TBC1D22A: variants seen among roughly 807,000 people sequenced by gnomAD.
TBC1D22A encodes the protein putative GTPase activator.
Under a neutral mutation model 60.2 loss-of-function variants are expected in TBC1D22A, and 38 were observed. The ratio of observed to expected loss-of-function variants is 0.63; its 90% CI spans 0.49 to 0.83. The LOEUF is 0.83. TBC1D22A is among the 40% of genes least tolerant of loss of function. TBC1D22A has a pLI of 0.00. For missense variants in TBC1D22A, 628 were observed against 701.0 expected, an observed-to-expected ratio of 0.90 and a Z score of 1.18; for synonymous variants, 302 against 281.7, an observed-to-expected ratio of 1.07 and a Z score of -0.72.
intron 11 of TBC1D22A, among the ~76,000 whole-genome samples, chr22:47,101,583 C>T (rs745821556): frequency 4.6e-5 from 7 of 152,250 alleles, no homozygotes; most frequent in East Asian, 1.9e-4. Context: ...GGTACTCAGA[C>T]GGGACATGCT....
At chr22:47,004,882 T>TAC (rs1392378655) in intron 10 of TBC1D22A, among the ~76,000 whole-genome samples, 1 of 151,598 alleles carries the variant, frequency 6.6e-6, no homozygotes, top group Non-Finnish European at 1.5e-5. Flanking sequence ...AGTGCCTATA[T>TAC]ACACACACCC....
chr22:46,810,074 TG>T (rs1282240250), intron 4 of TBC1D22A, among the ~76,000 whole-genome samples: 1 of 152,216 alleles, frequency 6.6e-6, no homozygotes, highest in Non-Finnish European at 1.5e-5. Context: ...ATTCAAAATG[TG>T]TCACATCAGC....
chr22:47,165,456 C>G (rs965832007), intron 12 of TBC1D22A, among the ~76,000 whole-genome samples: 1 of 152,120 alleles, frequency 6.6e-6, no homozygotes, highest in Non-Finnish European at 1.5e-5. Flanking sequence ...ATCGCCATCT[C>G]ATAGACAGGG....
At chr22:47,010,568 C>T (rs1298520578) in intron 10 of TBC1D22A, among the ~76,000 whole-genome samples, 1 of 152,172 alleles carries the variant, frequency 6.6e-6, no homozygotes, top group East Asian at 1.9e-4. Flanking sequence ...TCTTGGTCCC[C>T]TTCTGCTTAG....
Position 47,174,464 on chromosome 22 carries a change from G to C in TBC1D22A, c.*838G>C, listed in dbSNP as rs892732600. ...CATGTTGGGCTGGCAGACGGGCAGG[G>C]GGTCGCGTCCCTGTCATCAAAGCCC... On this transcript the variant is annotated 3_prime_UTR_variant, in exon 13 of 13. Coordinates refer to ENST00000337137, the MANE Select transcript of TBC1D22A (RefSeq NM_014346.5). The C allele has an allele frequency of 3.3e-5, 5 of 152,396 alleles. No homozygotes were observed. The South Asian group carries it at 1.0e-3, about 32-fold the overall frequency. 9.4% of individuals were successfully genotyped at this position (152,396 alleles called of 1,614,324 possible). A position where few individuals can be genotyped will look rare whatever the true frequency, so the allele number is the denominator to read the frequency against.
chr22:47,083,808 G>T (rs1357397630), intron 11 of TBC1D22A, among the ~76,000 whole-genome samples: 1 of 152,166 alleles, frequency 6.6e-6, no homozygotes, highest in Non-Finnish European at 1.5e-5. Context: ...CTCATCAAGG[G>T]TATATTAAAA....
In TBC1D22A at chr22:47,009,474, C is replaced by G. The variant is rs1274571490; in HGVS notation, c.1201+11765C>G. 7.2e-6 allele frequency among the ~76,000 whole-genome samples: 1 copy of G among 139,644 alleles called. No individual in the cohort carries two copies. The highest frequency in any genetic ancestry group is 1.6e-5 in the Non-Finnish European group (1 of 62,122). 91.6% of individuals were successfully genotyped at this position (139,644 alleles called of 152,430 possible). On this transcript the variant is annotated intron_variant, in intron 10 of 12. Transcript: ENST00000337137. This position sits in a 1 kb window ranked among gnomAD's most constrained non-coding sequence, Gnocchi z 5.8. ...TCATTTCTGTCATCACCATCGTCAT[C>G]ACTATCACCATCATTTCATCACCAT...
At position 47,101,606 on chromosome 22, in the gene TBC1D22A, C is replaced by T. The variant is rs2061050866; in HGVS notation, c.1330-9902C>T. ...GACGGGACATGCTTGGTTTCCAAGG[C>T]CAGTGGGTTCCAGGGTTTGATTGTG... On this transcript the variant is annotated intron_variant, in intron 11 of 12. Transcript: ENST00000337137. Among the ~76,000 whole-genome samples the T allele has an allele frequency of 2.6e-5, 4 of 152,334 alleles. No homozygotes were observed. The South Asian group carries it at 8.3e-4, about 32-fold the overall frequency.
chr22:47,173,532 C>T lies in TBC1D22A; in HGVS notation c.1460C>T (p.Ala487Val). Residue 487 changes from alanine to valine, a missense_variant, in exon 13 of 13, where the codon GCC (alanine) becomes GTC (valine). Ala to Val is a moderately conservative substitution (Grantham distance 64). Coordinates refer to ENST00000337137, the MANE Select transcript of TBC1D22A (RefSeq NM_014346.5). The part of the protein sequence containing the change: ...LLLFLQNLPT[A>V]HWDDEDISLL... ...CTCTTCCTCCAGAACCTGCCCACAG[C>T]CCACTGGGATGATGAGGACATCAGC... 6.2e-7 allele frequency: 1 copy of T among 1,614,152 alleles called. No homozygotes were observed.
At chr22:46,863,730 A>C (rs916737527) in intron 4 of TBC1D22A, among the ~76,000 whole-genome samples, 2 of 152,196 alleles carry the variant, frequency 1.3e-5, no homozygotes, top group African/African-American at 4.8e-5. Context: ...CAGGAGCCTC[A>C]TTCAGTCCCC....
At chr22:46,870,906 A>G (rs1317699514) in intron 4 of TBC1D22A, among the ~76,000 whole-genome samples, 1 of 152,210 alleles carries the variant, frequency 6.6e-6, no homozygotes, top group East Asian at 1.9e-4. Context: ...ACACTGTTGC[A>G]CTGGGGATTA....
At chr22:47,043,365 G>A (rs923919888) in intron 11 of TBC1D22A, among the ~76,000 whole-genome samples, 9 of 152,344 alleles carry the variant, frequency 5.9e-5, no homozygotes, top group Middle Eastern at 3.4e-3. Context: ...CGAGGTCAGG[G>A]CCAGGATGCG....
Position 46,903,221 on chromosome 22 carries a change from G to A in TBC1D22A, c.900+8375G>A, listed in dbSNP as rs998080997. On this transcript the variant is annotated intron_variant, in intron 7 of 12. Transcript: ENST00000337137. Reference sequence around the variant, plus strand: ...CGTTCGGGACCGAGGGCTGAGGGCCGAGGGTTGAGGTGAAGTGCAGTGGCA... The same window carrying A: ...CGTTCGGGACCGAGGGCTGAGGGCCAAGGGTTGAGGTGAAGTGCAGTGGCA... 3.7e-4 allele frequency among the ~76,000 whole-genome samples: 56 copies of A among 152,282 alleles called. 1 individual carries two copies. The highest frequency in any genetic ancestry group is 2.5e-3 in the Admixed American group (39 of 15,308).
intron 4 of TBC1D22A, among the ~76,000 whole-genome samples, chr22:46,845,416 A>G (rs1048068552): frequency 6.6e-6 from 1 of 152,192 alleles, no homozygotes; most frequent in Admixed American, 6.5e-5. Flanking sequence ...ATTATTATTC[A>G]TTTCTGAAAC....
intron 11 of TBC1D22A, among the ~76,000 whole-genome samples, chr22:47,066,180 C>T (rs1473600871): frequency 6.6e-6 from 1 of 152,224 alleles, no homozygotes; most frequent in African/African-American, 2.4e-5. Flanking sequence ...CATATGGGTA[C>T]AGCTCACAGG....
At chr22:46,903,872 C>A (rs1408203181) in intron 7 of TBC1D22A, among the ~76,000 whole-genome samples, 1 of 152,104 alleles carries the variant, frequency 6.6e-6, no homozygotes, top group African/African-American at 2.4e-5. Context: ...TCCCAGCAAA[C>A]CGGGAAAAGC....
At chr22:47,158,383 CT>C (rs1255863085) in intron 12 of TBC1D22A, among the ~76,000 whole-genome samples, 2 of 152,094 alleles carry the variant, frequency 1.3e-5, no homozygotes, top group Non-Finnish European at 2.9e-5. Flanking sequence ...GAGTGGAGCA[CT>C]TCTTCTTAGG....
At chr22:46,996,865 A>T (rs1179027080) in intron 9 of TBC1D22A, among the ~76,000 whole-genome samples, 1 of 152,086 alleles carries the variant, frequency 6.6e-6, no homozygotes, top group Non-Finnish European at 1.5e-5. Flanking sequence ...TGTGTCTTGA[A>T]ATCTCTTCCA....
chr22:46,871,180 C>T (rs1340794238), intron 4 of TBC1D22A, among the ~76,000 whole-genome samples: 1 of 152,108 alleles, frequency 6.6e-6, no homozygotes, highest in African/African-American at 2.4e-5. Flanking sequence ...AGAGATGAGT[C>T]CTAAATGTGT....
Sources: allele counts gnomAD v4.1 joint callset (sites outside exome capture counted in the v4.1 genomes callset), GRCh38; gene constraint gnomAD v4.1.1; non-coding constraint Gnocchi (gnomAD v3.1); transcripts MANE v1.5; gene names NCBI Gene and HGNC (gene_info 2026-07-23, HGNC 2026-07-21).